Variants in RUNDC3B observed in about 807,000 individuals in gnomAD.
The protein encoded by RUNDC3B is RUN domain containing 3B, also known as RUN domain-containing protein 3B.
A neutral mutation model predicts 58.4 loss-of-function variants in RUNDC3B; 33 were observed. The ratio of observed to expected loss-of-function variants is 0.56; its 90% confidence interval spans 0.43 to 0.75. The LOEUF is 0.75. RUNDC3B is among the 30% of genes least tolerant of loss of function. The pLI is 0.00. For missense variants in RUNDC3B, 501 were observed against 535.7 expected, an observed-to-expected ratio of 0.94 and a Z score of 0.64; for synonymous variants, 193 against 195.2, an observed-to-expected ratio of 0.99 and a Z score of 0.10.
chr7:87,791,965 T>A (rs1328853520), intron 8 of RUNDC3B, among the ~76,000 whole-genome samples: 4 of 151,990 alleles, frequency 2.6e-5, no homozygotes, highest in Non-Finnish European at 5.9e-5. Flanking sequence ...CTGTTATCTA[T>A]AAGAAACACA....
Position 87,790,307 on chromosome 7 carries a change from C to A in RUNDC3B, c.956+12352C>A, listed in dbSNP as rs182133002. On this transcript the variant is annotated intron_variant, in intron 8 of 10. Coordinates refer to ENST00000394654, the MANE Select transcript of RUNDC3B (RefSeq NM_001134405.2). ...CAGTACCTCTACGAGTCTGCAAAAA[C>A]CACAGTGTTATTGGGCTTGGGGCCA... is the stretch of plus-strand genomic sequence containing the variant. Among the ~76,000 whole-genome samples, 27 of 152,300 alleles carry A rather than the reference C, an allele frequency of 1.8e-4. No individual in the cohort carries two copies. The East Asian group carries it at 3.3e-3, about 19-fold the overall frequency.
At chr7:87,639,366 T>A (rs775700316) in intron 1 of RUNDC3B, among the ~76,000 whole-genome samples, 103 of 152,326 alleles carry the variant, frequency 6.8e-4, no homozygotes, top group Middle Eastern at 3.4e-3. Flanking sequence ...TAATGTGTAT[T>A]CTGTCATTGT....
chr7:87,749,662 C>T (rs1169836326), intron 6 of RUNDC3B, among the ~76,000 whole-genome samples: 1 of 151,964 alleles, frequency 6.6e-6, no homozygotes, highest in Non-Finnish European at 1.5e-5. Flanking sequence ...ACATCAGTCC[C>T]TCCCCCCACA....
intron 2 of RUNDC3B, among the ~76,000 whole-genome samples, chr7:87,671,990 G>C (rs951392491): frequency 3.9e-5 from 6 of 152,176 alleles, no homozygotes; most frequent in African/African-American, 1.4e-4. Flanking sequence ...CACTTAAGCA[G>C]TTTGGCCGCA....
chr7:87,727,683 G>C (rs745798230), intron 4 of RUNDC3B, among the ~76,000 whole-genome samples: 1 of 152,106 alleles, frequency 6.6e-6, no homozygotes, highest in Non-Finnish European at 1.5e-5. Flanking sequence ...AGCGTGTATT[G>C]AGTTTTTATT....
At chr7:87,794,174 C>A (rs964305419) in intron 8 of RUNDC3B, among the ~76,000 whole-genome samples, 1 of 152,166 alleles carries the variant, frequency 6.6e-6, no homozygotes. Flanking sequence ...CAGTGGCTCA[C>A]GCCTGTAATC....
intron 2 of RUNDC3B, among the ~76,000 whole-genome samples, chr7:87,661,497 A>G (rs1377626001): frequency 1.7e-4 from 25 of 151,456 alleles, no homozygotes; most frequent in Non-Finnish European, 2.9e-5. Context: ...TTTAGTTCCC[A>G]CAAATAAGTG....
At chr7:87,808,167 A>G (rs1836536098) in intron 9 of RUNDC3B, among the ~76,000 whole-genome samples, 1 of 151,606 alleles carries the variant, frequency 6.6e-6, no homozygotes, top group East Asian at 1.9e-4. Flanking sequence ...TTATTTTTCT[A>G]TCTTAAGCTA....
intron 2 of RUNDC3B, chr7:87,693,851 C>G (rs530725047): frequency 3.2e-4 from 499 of 1,565,486 alleles, no homozygotes; most frequent in Non-Finnish European, 4.2e-4. Context: ...GAACTGTAAA[C>G]ATGATGGCAG....
intron 2 of RUNDC3B, among the ~76,000 whole-genome samples, chr7:87,677,873 C>T (rs1012850757): frequency 6.6e-6 from 1 of 152,124 alleles, no homozygotes; most frequent in Non-Finnish European, 1.5e-5. Flanking sequence ...CCATGGAGGA[C>T]AGATGACAGT....
intron 8 of RUNDC3B, among the ~76,000 whole-genome samples, chr7:87,797,972 A>T (rs1010496372): frequency 5.3e-5 from 8 of 152,232 alleles, no homozygotes; most frequent in African/African-American, 1.9e-4. Flanking sequence ...ATACACGAAT[A>T]CAGTCAAATA....
chr7:87,719,203 TG>T (rs1341858122), intron 4 of RUNDC3B, among the ~76,000 whole-genome samples: 2 of 151,680 alleles, frequency 1.3e-5, no homozygotes, highest in Non-Finnish European at 2.9e-5. Context: ...AAAATCTACA[TG>T]AAAAAAATTT....
intron 2 of RUNDC3B, among the ~76,000 whole-genome samples, chr7:87,675,841 G>A (rs1476239866): frequency 6.6e-6 from 1 of 152,046 alleles, no homozygotes; most frequent in African/African-American, 2.4e-5. Flanking sequence ...AATTGACATT[G>A]TTCTTGGCAA....
chr7:87,749,519 T>C (rs2130827798), intron 6 of RUNDC3B, among the ~76,000 whole-genome samples: 1 of 152,308 alleles, frequency 6.6e-6, no homozygotes, highest in East Asian at 1.9e-4. Context: ...ATGGAGTTTT[T>C]ATTTTTAGAA....
chr7:87,794,783 AG>A (rs1835726481), intron 8 of RUNDC3B, among the ~76,000 whole-genome samples: 1 of 152,204 alleles, frequency 6.6e-6, no homozygotes, highest in African/African-American at 2.4e-5. Flanking sequence ...ACATTAAAAA[AG>A]TGTAGACCAG....
At chr7:87,694,081 T>C in intron 2 of RUNDC3B, 2 of 1,516,160 alleles carry the variant, frequency 1.3e-6, no homozygotes, top group Non-Finnish European at 1.7e-6. Flanking sequence ...TTGTAAAGCC[T>C]TCTTTTTTGT....
intron 2 of RUNDC3B, among the ~76,000 whole-genome samples, chr7:87,670,543 A>G (rs1421391311): frequency 6.6e-6 from 1 of 152,190 alleles, no homozygotes; most frequent in Middle Eastern, 3.2e-3. Context: ...ATGGCATACA[A>G]TACTCTGAAC....
At chr7:87,747,901 TACCC>T (rs779602119) in intron 6 of RUNDC3B, among the ~76,000 whole-genome samples, 1 of 152,156 alleles carries the variant, frequency 6.6e-6, no homozygotes, top group East Asian at 1.9e-4. Flanking sequence ...TGCCACAGGC[TACCC>T]GCCTCCCAGG....
chr7:87,644,017 C>T (rs139741241), intron 1 of RUNDC3B, among the ~76,000 whole-genome samples: 1 of 152,214 alleles, frequency 6.6e-6, no homozygotes, highest in East Asian at 1.9e-4. Flanking sequence ...TGCCACCATA[C>T]CTGGATAATT....
Sources: allele counts gnomAD v4.1 joint callset (sites outside exome capture counted in the v4.1 genomes callset), GRCh38; gene constraint gnomAD v4.1.1; transcripts MANE v1.5; gene names NCBI Gene and HGNC (gene_info 2026-07-23, HGNC 2026-07-21).